Variants in GRAP2 observed in about 807,000 individuals in gnomAD.
GRAP2 encodes GRB2 related adaptor protein 2.
GRAP2 carries 31 observed loss-of-function variants against 43.5 expected under a neutral mutation model. That is an observed-to-expected ratio of 0.71 (90% confidence interval 0.54 to 0.96). GRAP2 has a LOEUF of 0.96. GRAP2 is among the 40% of genes least tolerant of loss of function. The pLI, the probability that GRAP2 is intolerant of heterozygous loss-of-function variation, is 0.00. For synonymous variants in GRAP2, 156 were observed against 164.8 expected (o/e 0.95, Z 0.41); for missense variants, 371 against 424.4 (o/e 0.87, Z 1.11).
At chr22:39,963,302 C>A (rs192813698) in intron 4 of GRAP2, among the ~76,000 whole-genome samples, 14 of 152,318 alleles carry the variant, frequency 9.2e-5, no homozygotes, top group African/African-American at 3.4e-4. Context: ...AGGCTTGAGA[C>A]AATGGTCAGG....
intron 2 of GRAP2, among the ~76,000 whole-genome samples, chr22:39,949,080 A>G (rs1426680300): frequency 1.3e-5 from 2 of 151,864 alleles, no homozygotes; most frequent in Non-Finnish European, 2.9e-5. Flanking sequence ...CAGACTTCCA[A>G]TTGTCTGCTG....
intron 4 of GRAP2, among the ~76,000 whole-genome samples, chr22:39,963,501 A>T (rs1021633542): frequency 3.3e-5 from 5 of 152,206 alleles, no homozygotes; most frequent in African/African-American, 1.2e-4. Flanking sequence ...GAGTTGATCC[A>T]TGTTGTCTTA....
chr22:39,896,720 C>G (rs779792664), upstream of GRAP2, among the ~76,000 whole-genome samples: 1 of 152,122 alleles, frequency 6.6e-6, no homozygotes, highest in Non-Finnish European at 1.5e-5. Flanking sequence ...GTGTTACCAG[C>G]TTAGTGGAAT....
At chr22:39,942,074 A>G (rs1384429205) in intron 1 of GRAP2, among the ~76,000 whole-genome samples, 1 of 152,192 alleles carries the variant, frequency 6.6e-6, no homozygotes, top group Non-Finnish European at 1.5e-5. Flanking sequence ...TTATAAAGCG[A>G]TTCACCACAG....
intron 6 of GRAP2, 117 bp downstream of exon 6, chr22:39,968,389 C>T (rs939325921): frequency 8.1e-6 from 10 of 1,234,090 alleles, no homozygotes; most frequent in Admixed American, 6.8e-5. Flanking sequence ...CCTGGACCCC[C>T]CCAAATGGCA....
chr22:39,948,138 G>C (rs2066943641), intron 2 of GRAP2: 1 of 152,144 alleles, frequency 6.6e-6, no homozygotes, highest in Non-Finnish European at 1.5e-5. Flanking sequence ...ATGTGAGAGG[G>C]TGACATTGAA....
chr22:39,960,356 C>G (rs543084617), intron 4 of GRAP2, 182 bp downstream of exon 4: 3 of 617,856 alleles, frequency 4.9e-6, no homozygotes, highest in South Asian at 3.8e-5. Flanking sequence ...CATGCACACA[C>G]CACTCTTTAG....
intron 1 of GRAP2, among the ~76,000 whole-genome samples, chr22:39,915,346 G>T (rs1204046340): frequency 6.6e-6 from 1 of 152,096 alleles, no homozygotes; most frequent in Non-Finnish European, 1.5e-5. Context: ...GGTTGAGCAG[G>T]CATTGACCCC....
At chr22:39,906,102 A>G (rs747472107) in intron 1 of GRAP2, among the ~76,000 whole-genome samples, 2 of 152,224 alleles carry the variant, frequency 1.3e-5, no homozygotes, top group African/African-American at 2.4e-5. Flanking sequence ...AATCCCTGAA[A>G]GGAACAATAC....
chr22:39,968,019 A>G (rs1392586272), intron 5 of GRAP2, 23 bp from the exon 6 acceptor site: 2 of 1,604,822 alleles, frequency 1.2e-6, no homozygotes, highest in Non-Finnish European at 1.7e-6. Context: ...ATGCATCTGC[A>G]GCATCTCTGT....
rs1297358269 is a variant in GRAP2 at position 39,972,537 on chromosome 22, G to GGGAGCCT, written c.*1457_*1463dup. The GGGAGCCT allele has an allele frequency of 6.6e-6, 1 of 152,276 alleles. No individual in the cohort carries two copies. Among genetic ancestry groups the GGGAGCCT allele is most frequent in the Admixed American group, 6.5e-5 (1 of 15,288 alleles). 9.4% of individuals were successfully genotyped at this position (152,276 alleles called of 1,614,324 possible). A position where few individuals can be genotyped will look rare whatever the true frequency, so the allele number is the denominator to read the frequency against. ...GGAAAGGGGGTGAAAGTGTTGGTGA[G>GGGAGCCT]GGAGCCTGGAAGTTTTCTCTTCCCC... is the stretch of plus-strand genomic sequence containing the variant. On this transcript the variant is annotated 3_prime_UTR_variant, in exon 8 of 8. Coordinates refer to ENST00000344138, the MANE Select transcript of GRAP2 (RefSeq NM_004810.4).
At chr22:39,942,623 CAAA>C (rs71761183) in intron 1 of GRAP2, among the ~76,000 whole-genome samples, 2 of 120,952 alleles carry the variant, frequency 1.7e-5, no homozygotes, top group Non-Finnish European at 3.6e-5. Flanking sequence ...CGATCTCTAC[CAAA>C]AAAAAAAAAA....
Position 39,968,276 on chromosome 22 carries a change from T to C in GRAP2, c.690+4T>C. On this transcript the variant is annotated splice_donor_region_variant and intron_variant, in intron 6 of 7. Transcript: ENST00000344138. ...GCAGCACCACCATTTCCACCAGGTA[T>C]CTGGAAAGAAGGCAGTGGGCACAGT... 6.2e-7 allele frequency: 1 copy of C among 1,613,252 alleles called. No individual in the cohort carries two copies. Among genetic ancestry groups the C allele is most frequent in the South Asian group, 1.1e-5 (1 of 91,030 alleles).
chr22:39,900,820 A>G (rs965324411), upstream of GRAP2, among the ~76,000 whole-genome samples: 3 of 152,208 alleles, frequency 2.0e-5, no homozygotes, highest in African/African-American at 7.2e-5. Flanking sequence ...TGGATGCATG[A>G]TTATACTAAG....
the GRAP2 span, among the ~76,000 whole-genome samples, chr22:39,896,049 C>CA: frequency 6.6e-6 from 1 of 152,192 alleles, no homozygotes; most frequent in Non-Finnish European, 1.5e-5. Context: ...GCTCTATCAG[C>CA]AACTCAGTCA....
At chr22:39,952,474 TG>T (rs2066995873) in intron 2 of GRAP2, among the ~76,000 whole-genome samples, 1 of 152,160 alleles carries the variant, frequency 6.6e-6, no homozygotes, top group Admixed American at 6.5e-5. Flanking sequence ...AAGCGATGGA[TG>T]GAGTGCAGTG....
intron 5 of GRAP2, 84 bp downstream of exon 5, chr22:39,966,242 G>T (rs769826010): frequency 1.9e-6 from 2 of 1,028,386 alleles, no homozygotes; most frequent in Non-Finnish European, 3.0e-6. Flanking sequence ...AAATGCATAG[G>T]ATGGGTAGAT....
intron 1 of GRAP2, among the ~76,000 whole-genome samples, chr22:39,912,318 T>C (rs2066572820): frequency 6.6e-6 from 1 of 152,194 alleles, no homozygotes; most frequent in Admixed American, 6.5e-5. Flanking sequence ...TACAGGAGGC[T>C]GAGGCAGGAG....
chr22:39,910,573 T>A (rs1416638658), intron 1 of GRAP2, among the ~76,000 whole-genome samples: 1 of 151,828 alleles, frequency 6.6e-6, no homozygotes, highest in Non-Finnish European at 1.5e-5. Flanking sequence ...CACGCCCGGC[T>A]AATTTTTGTA....
Sources: gnomAD v4.1 joint callset for allele counts (sites outside exome capture counted in the v4.1 genomes callset) on GRCh38, gnomAD v4.1.1 for gene constraint, MANE v1.5 for transcripts, NCBI Gene and HGNC (gene_info 2026-07-23, HGNC 2026-07-21) for gene names.